The following FBXO21 variants were observed in gnomAD, a reference collection of about 807,000 sequenced individuals.
FBXO21 encodes the protein F-box only protein 21.
FBXO21 carries 32 observed loss-of-function variants against 76.6 expected under a neutral mutation model. The ratio of observed to expected loss-of-function variants is 0.42; its 90% CI spans 0.32 to 0.56. The LOEUF (loss-of-function observed/expected upper bound fraction) is 0.56, where lower values mean the gene tolerates loss of function less well. Ranked by LOEUF, FBXO21 falls within the 20% of genes least tolerant of loss-of-function variation. FBXO21 has a pLI of 0.16. For missense variants in FBXO21, 586 were observed against 797.3 expected, an observed-to-expected ratio of 0.73 and a Z score of 3.19; for synonymous variants, 328 against 311.5, an observed-to-expected ratio of 1.05 and a Z score of -0.56.
At chr12:117,176,340 A>C (rs1045056217) in intron 4 of FBXO21, among the ~76,000 whole-genome samples, 1 of 152,168 alleles carries the variant, frequency 6.6e-6, no homozygotes, top group Non-Finnish European at 1.5e-5. Context: ...AGGGATTATG[A>C]GAAGGAGGGA....
At chr12:117,152,535 G>A (rs1592868735) in intron 11 of FBXO21, among the ~76,000 whole-genome samples, 1 of 150,604 alleles carries the variant, frequency 6.6e-6, no homozygotes, top group Non-Finnish European at 1.5e-5. Context: ...AAAAAGGGGG[G>A]AAAAAAAATG....
intron 3 of FBXO21, among the ~76,000 whole-genome samples, chr12:117,184,733 C>G (rs1017752548): frequency 6.6e-6 from 1 of 151,990 alleles, no homozygotes; most frequent in African/African-American, 2.4e-5. Flanking sequence ...GCTACAAGAG[C>G]GAAATTCCAT....
intron 11 of FBXO21, among the ~76,000 whole-genome samples, chr12:117,153,024 G>C (rs1955862325): frequency 1.3e-5 from 2 of 152,088 alleles, no homozygotes; most frequent in Non-Finnish European, 2.9e-5. Flanking sequence ...CAGATCCCTA[G>C]GGCCTGGTAA....
rs376878898 is a variant in FBXO21 at position 117,174,127 on chromosome 12, ACC to A, written c.876+76_876+77del. ...ATTCCAGCCTGAGCAACAGAGCGAG[ACC>A]CTGTCTCTAAAAACAGAAAAAAAAA... is the stretch of plus-strand genomic sequence containing the variant. On this transcript the variant is annotated intron_variant, in intron 6 of 11. Coordinates refer to ENST00000622495, the MANE Select transcript of FBXO21 (RefSeq NM_015002.3). 979 of 1,185,674 alleles carry A rather than the reference ACC, an allele frequency of 8.3e-4. 6 individuals carry two copies. In the African/African-American group the frequency reaches 0.013, roughly 15 times the overall value. The allele number at this position is 1,185,674 out of a possible 1,614,324, so 73.4% of individuals were successfully genotyped here.
intron 11 of FBXO21, among the ~76,000 whole-genome samples, chr12:117,148,292 C>A (rs1194107268): frequency 6.6e-6 from 1 of 152,186 alleles, no homozygotes; most frequent in Admixed American, 6.5e-5. Flanking sequence ...GTCACAGACA[C>A]GTCATGTGCA....
chr12:117,159,802 TA>T (rs2135857092), intron 9 of FBXO21, among the ~76,000 whole-genome samples: 2 of 152,208 alleles, frequency 1.3e-5, no homozygotes, highest in Non-Finnish European at 2.9e-5. Context: ...CCCCATCAGA[TA>T]AGTAAAATGG....
chr12:117,172,162 T>C (rs1269698600), intron 7 of FBXO21, among the ~76,000 whole-genome samples: 1 of 152,082 alleles, frequency 6.6e-6, no homozygotes, highest in Admixed American at 6.5e-5. Flanking sequence ...GAAATCAGAG[T>C]CTTATTTTTT....
At chr12:117,183,374 C>T (rs571948801) in intron 3 of FBXO21, among the ~76,000 whole-genome samples, 52 of 152,218 alleles carry the variant, frequency 3.4e-4, no homozygotes, top group Non-Finnish European at 5.3e-4. Flanking sequence ...ATTATCCTGC[C>T]TCAGCCTCCC....
intron 9 of FBXO21, among the ~76,000 whole-genome samples, chr12:117,161,390 G>A (rs1413949655): frequency 2.0e-5 from 3 of 152,096 alleles, no homozygotes; most frequent in South Asian, 4.2e-4. Context: ...CCAGACCGCC[G>A]AGAACCTAAA....
chr12:117,177,701 C>G, intron 3 of FBXO21, 60 bp from the exon 4 acceptor site: 6 of 1,441,346 alleles, frequency 4.2e-6, no homozygotes, highest in Non-Finnish European at 4.8e-6. Context: ...CTATTTTTCA[C>G]ATTACACTAA....
intron 3 of FBXO21, among the ~76,000 whole-genome samples, chr12:117,185,808 T>C (rs1283836713): frequency 6.6e-6 from 1 of 152,222 alleles, no homozygotes; most frequent in African/African-American, 2.4e-5. Flanking sequence ...ATTCAATTCA[T>C]GATAGGCAAA....
intron 7 of FBXO21, among the ~76,000 whole-genome samples, chr12:117,171,101 C>T (rs1011855113): frequency 2.6e-5 from 4 of 152,060 alleles, no homozygotes; most frequent in East Asian, 1.9e-4. Flanking sequence ...CGGTGGCTCA[C>T]GCCTGTAATC....
rs1955769160 is a variant in FBXO21, at chr12:117,146,254, G to C, written c.1699C>G (p.Pro567Ala). ...AQENLEYNVE[P>A]QEISHPDVGR... ...ACGTCAGGGTGTGAGATTTCTTGAGGCTCCACGTTATATTCCAAGTTTTCT... is the reference window on the plus strand; with the variant it reads ...ACGTCAGGGTGTGAGATTTCTTGAGCCTCCACGTTATATTCCAAGTTTTCT... Residue 567 changes from proline (P) to alanine (A), a missense_variant, in exon 12 of 12, where the codon CCT becomes GCT. By Grantham distance (27) the Pro-to-Ala change is conservative. Coordinates refer to ENST00000622495, the MANE Select transcript of FBXO21 (RefSeq NM_015002.3). The C allele has an allele frequency of 5.6e-6, 9 of 1,608,162 alleles. No individual in the cohort carries two copies. In the South Asian group the frequency reaches 1.0e-4, roughly 18 times the overall value.
At chr12:117,181,815 A>C (rs1343474352) in intron 3 of FBXO21, among the ~76,000 whole-genome samples, 1 of 151,912 alleles carries the variant, frequency 6.6e-6, no homozygotes, top group East Asian at 1.9e-4. Context: ...ATGCCCGGCT[A>C]ATTTTTTGTA....
rs1955758581 is a variant in FBXO21, at chr12:117,145,413, A to G, written c.*674T>C. The G allele has an allele frequency of 6.6e-6, 1 of 152,182 alleles. No homozygotes were observed. The highest frequency in any genetic ancestry group is 2.1e-4 in the South Asian group (1 of 4,828). The allele number at this position is 152,182 out of a possible 1,614,324, so 9.4% of individuals were successfully genotyped here. A position where few individuals can be genotyped will look rare whatever the true frequency, so the allele number is the denominator to read the frequency against. ...TTATAGAGATGTGCATAAACTCAAG[A>G]GAGGAATATGGAAGGGAAAACTGTG... On this transcript the variant is annotated 3_prime_UTR_variant, in exon 12 of 12. Coordinates refer to ENST00000622495, the MANE Select transcript of FBXO21 (RefSeq NM_015002.3).
chr12:117,159,293 A>T (rs1955950986), intron 9 of FBXO21, among the ~76,000 whole-genome samples: 1 of 148,202 alleles, frequency 6.7e-6, no homozygotes, highest in Non-Finnish European at 1.5e-5. Flanking sequence ...TGATCTTCAA[A>T]TTGGGAGGAT....
intron 11 of FBXO21, among the ~76,000 whole-genome samples, chr12:117,150,783 T>C (rs1345733287): frequency 6.6e-6 from 1 of 152,030 alleles, no homozygotes; most frequent in East Asian, 1.9e-4. Context: ...TCTGACATGT[T>C]TGTGCCACTT....
intron 11 of FBXO21, among the ~76,000 whole-genome samples, chr12:117,150,403 C>T (rs1032410292): frequency 1.3e-5 from 2 of 152,236 alleles, no homozygotes; most frequent in African/African-American, 4.8e-5. Context: ...TCCGGTCTTC[C>T]TCTCCAAGAG....
At chr12:117,172,707 A>C in intron 6 of FBXO21, 100 bp from the exon 7 acceptor site, 1 of 1,278,042 alleles carries the variant, frequency 7.8e-7, no homozygotes, top group Non-Finnish European at 1.1e-6. Context: ...ATTGGGCATG[A>C]TGCTCATTTG....
Sources: gnomAD v4.1 joint callset for allele counts (sites outside exome capture counted in the v4.1 genomes callset) on GRCh38, gnomAD v4.1.1 for gene constraint, MANE v1.5 for transcripts, NCBI Gene and HGNC (gene_info 2026-07-23, HGNC 2026-07-21) for gene names.